MMP16: variants seen among roughly 807,000 people sequenced by gnomAD.
MMP16 encodes matrix metallopeptidase 16.
A neutral mutation model predicts 67.8 loss-of-function variants in MMP16; 12 were observed. That is an observed-to-expected ratio of 0.18 (90% CI 0.11 to 0.29). MMP16 has a LOEUF of 0.29. Among genes scored for constraint, MMP16 ranks in the 10% least tolerant of loss-of-function variants. The pLI is 1.00. For missense variants in MMP16, 475 were observed against 765.7 expected (o/e 0.62, Z 4.48); for synonymous variants, 249 against 255.9 (o/e 0.97, Z 0.26).
chr8:88,159,172 C>T (rs575922245), intron 4 of MMP16, among the ~76,000 whole-genome samples: 8 of 152,174 alleles, frequency 5.3e-5, no homozygotes, highest in East Asian at 3.9e-4. Context: ...TCCATATGAA[C>T]TTTAAACTAG....
chr8:88,187,970 G>A (rs1330871632), intron 2 of MMP16, among the ~76,000 whole-genome samples: 1 of 152,114 alleles, frequency 6.6e-6, no homozygotes, highest in Non-Finnish European at 1.5e-5. Context: ...CAGCTTTATG[G>A]AATTGAGCTC....
At chr8:88,277,150 A>G (rs929237777) in intron 1 of MMP16, among the ~76,000 whole-genome samples, 4 of 152,188 alleles carry the variant, frequency 2.6e-5, no homozygotes, top group African/African-American at 9.6e-5. Flanking sequence ...ACCACAGTAA[A>G]ACTAAAGGTG....
In MMP16 at chr8:88,116,460, T is replaced by C. The variant is rs752866251; in HGVS notation, c.1083+47A>G. On this transcript the variant is annotated intron_variant, in intron 6 of 9. Coordinates refer to ENST00000286614, the MANE Select transcript of MMP16 (RefSeq NM_005941.5). ...GAGAACTTGTTTTCTAAAGCAACAC[T>C]AGACACTTGATCTACTGTTAAAAAA... 8 of 1,508,656 alleles carry C rather than the reference T, an allele frequency of 5.3e-6. No individual in the cohort carries two copies. The East Asian group carries it at 1.8e-4, about 34-fold the overall frequency. 93.5% of individuals were successfully genotyped at this position (1,508,656 alleles called of 1,614,324 possible). A position where few individuals can be genotyped will look rare whatever the true frequency, so the allele number is the denominator to read the frequency against.
chr8:88,231,184 A>G (rs747146119), intron 1 of MMP16, among the ~76,000 whole-genome samples: 3 of 152,182 alleles, frequency 2.0e-5, no homozygotes, highest in Non-Finnish European at 4.4e-5. Context: ...GATGGTTTTG[A>G]GAAAATAAAA....
chr8:88,259,780 C>T (rs1403280149), intron 1 of MMP16, among the ~76,000 whole-genome samples: 1 of 152,074 alleles, frequency 6.6e-6, no homozygotes, highest in Non-Finnish European at 1.5e-5. Context: ...GGTACAAATG[C>T]TTATGATACA....
chr8:88,085,362 T>C (rs1324147042), intron 6 of MMP16, among the ~76,000 whole-genome samples: 2 of 152,034 alleles, frequency 1.3e-5, no homozygotes. Flanking sequence ...TATATAAATG[T>C]TAGGGGAAAA....
At chr8:88,233,802 T>C (rs1337266739) in intron 1 of MMP16, among the ~76,000 whole-genome samples, 1 of 152,204 alleles carries the variant, frequency 6.6e-6, no homozygotes, top group East Asian at 1.9e-4. Context: ...TGTGGGACCT[T>C]CTCATTCAGC....
intron 3 of MMP16, among the ~76,000 whole-genome samples, chr8:88,169,505 G>C (rs1586186997): frequency 6.6e-6 from 1 of 152,108 alleles, no homozygotes; most frequent in East Asian, 1.9e-4. Context: ...CCAAACATTT[G>C]GGCTAAAACT....
In MMP16 at chr8:88,038,720, G is replaced by A. The variant is rs962425040; in HGVS notation, c.*2741C>T. The A allele has an allele frequency of 1.3e-5, 2 of 152,472 alleles. No homozygotes were observed. The highest frequency in any genetic ancestry group is 1.5e-5 in the Non-Finnish European group (1 of 67,986). The allele number at this position is 152,472 out of a possible 1,614,324, so 9.4% of individuals were successfully genotyped here. On this transcript the variant is annotated 3_prime_UTR_variant, in exon 10 of 10. Transcript: ENST00000286614. The surrounding 1 kb of genome is among the most constrained non-coding windows in gnomAD (Gnocchi z 4.1). ...CGAGCTTATGTATATAGTCCTCCAT[G>A]CTTAGCAGCAGTGACTAACTCTTTA... is the stretch of plus-strand genomic sequence containing the variant.
intron 1 of MMP16, among the ~76,000 whole-genome samples, chr8:88,309,034 AGT>A (rs1811255240): frequency 6.6e-6 from 1 of 152,064 alleles, no homozygotes; most frequent in African/African-American, 2.4e-5. Flanking sequence ...AGCACTGGCA[AGT>A]GTGTGTGGAA....
chr8:88,271,890 G>A (rs1257267754), intron 1 of MMP16, among the ~76,000 whole-genome samples: 1 of 152,166 alleles, frequency 6.6e-6, no homozygotes, highest in East Asian at 1.9e-4. Context: ...CTTATCTTAT[G>A]CATTATAGTG....
chr8:88,266,528 T>C (rs1810479275), intron 1 of MMP16, among the ~76,000 whole-genome samples: 1 of 152,212 alleles, frequency 6.6e-6, no homozygotes, highest in African/African-American at 2.4e-5. Flanking sequence ...GCCAGGTCTC[T>C]GGCACCTCAT....
Position 88,327,237 on chromosome 8 carries a change from T to TC in MMP16, c.-32dup. 6.2e-7 allele frequency: 1 copy of TC among 1,612,578 alleles called. No homozygotes were observed. On this transcript the variant is annotated 5_prime_UTR_variant, in exon 1 of 10. Coordinates refer to ENST00000286614, the MANE Select transcript of MMP16 (RefSeq NM_005941.5). The stretch of plus-strand genomic sequence containing the variant: ...ACTGTGCTTCAATGGATGGACGAGC[T>TC]CCCCTTCGTTTTCTCCCTCTCTCCC...
At chr8:88,067,959 A>C (rs1406307500) in intron 7 of MMP16, among the ~76,000 whole-genome samples, 1 of 152,116 alleles carries the variant, frequency 6.6e-6, no homozygotes, top group Non-Finnish European at 1.5e-5. Flanking sequence ...ATTATACAGT[A>C]GCTGTGTATT....
rs1256344330 is a variant in MMP16 at position 88,058,109 on chromosome 8, G to A, written c.1223-1831C>T. ...CAAAGAATATTGGGAAGTGCATTCAGAGCAGAGGACAGTCTGGGATGATCA... is the reference window on the plus strand; with the variant it reads ...CAAAGAATATTGGGAAGTGCATTCAAAGCAGAGGACAGTCTGGGATGATCA... On this transcript the variant is annotated intron_variant, in intron 7 of 9. Coordinates refer to ENST00000286614, the MANE Select transcript of MMP16 (RefSeq NM_005941.5). The surrounding 1 kb of genome is among the most constrained non-coding windows in gnomAD (Gnocchi z 4.2). 1.1e-4 allele frequency among the ~76,000 whole-genome samples: 16 copies of A among 152,172 alleles called. No individual in the cohort carries two copies. The highest frequency in any genetic ancestry group is 2.9e-5 in the Non-Finnish European group (2 of 68,022).
At chr8:88,142,830 AC>A (rs1440536279) in intron 4 of MMP16, among the ~76,000 whole-genome samples, 3 of 152,156 alleles carry the variant, frequency 2.0e-5, no homozygotes, top group African/African-American at 7.2e-5. Context: ...AAAAAGAAAA[AC>A]AAAGGCTTGG....
Position 88,156,635 on chromosome 8 carries a change from A to C in MMP16, c.709+11034T>G, listed in dbSNP as rs948665349. Among the ~76,000 whole-genome samples, 13 of 152,148 alleles carry C rather than the reference A, an allele frequency of 8.5e-5. No homozygotes were observed. In the East Asian group the frequency reaches 2.5e-3, roughly 29 times the overall value. On this transcript the variant is annotated intron_variant, in intron 4 of 9. Coordinates refer to ENST00000286614, the MANE Select transcript of MMP16 (RefSeq NM_005941.5). Reference sequence around the variant, plus strand: ...AAAAAAAGTTACAAAACTAAAGTAAAAAGCTGTTATTAATCTTAGATAATT... The same window carrying C: ...AAAAAAAGTTACAAAACTAAAGTAACAAGCTGTTATTAATCTTAGATAATT...
intron 1 of MMP16, among the ~76,000 whole-genome samples, chr8:88,247,616 T>C (rs1810134707): frequency 6.6e-6 from 1 of 151,928 alleles, no homozygotes; most frequent in Non-Finnish European, 1.5e-5. Flanking sequence ...TCCAGGAAAA[T>C]ATGCACAAAA....
intron 1 of MMP16, among the ~76,000 whole-genome samples, chr8:88,309,747 G>A (rs1313110339): frequency 3.3e-5 from 5 of 152,074 alleles, no homozygotes; most frequent in South Asian, 2.1e-4. Flanking sequence ...AGAAGGTCTT[G>A]TATTCTCTGT....
Sources: allele counts gnomAD v4.1 joint callset (sites outside exome capture counted in the v4.1 genomes callset), GRCh38; gene constraint gnomAD v4.1.1; non-coding constraint Gnocchi (gnomAD v3.1); transcripts MANE v1.5; gene names NCBI Gene and HGNC (gene_info 2026-07-23, HGNC 2026-07-21).